Variants in KIF5C observed in about 807,000 individuals in gnomAD.
The protein encoded by KIF5C is kinesin heavy chain isoform 5C.
In KIF5C, 18 loss-of-function variants were observed where a neutral mutation model predicts 125.2. The ratio of observed to expected loss-of-function variants is 0.14; its 90% CI spans 0.10 to 0.21. The LOEUF is 0.21. Among genes scored for constraint, KIF5C ranks in the 10% least tolerant of loss-of-function variants. The pLI is 1.00. For synonymous variants in KIF5C, 405 were observed against 434.0 expected (o/e 0.93, Z 0.83); for missense variants, 780 against 1,183.8 (o/e 0.66, Z 5.01).
At chr2:148,905,545 T>C (rs1385082933) in intron 1 of KIF5C, among the ~76,000 whole-genome samples, 1 of 152,182 alleles carries the variant, frequency 6.6e-6, no homozygotes, top group Non-Finnish European at 1.5e-5. Context: ...GCTGGGAGTG[T>C]GTGCTACTTA....
chr2:148,963,692 C>T (rs1313902691), intron 11 of KIF5C, among the ~76,000 whole-genome samples: 1 of 152,246 alleles, frequency 6.6e-6, no homozygotes, highest in East Asian at 1.9e-4. Flanking sequence ...GGGAATCCTC[C>T]AGGTCAGTTC....
intron 25 of KIF5C, among the ~76,000 whole-genome samples, chr2:149,021,827 C>T (rs1226777562): frequency 6.6e-6 from 1 of 151,962 alleles, no homozygotes; most frequent in African/African-American, 2.4e-5. Context: ...GCTCTACCTC[C>T]CTCTTGTCAT....
chr2:148,986,634 C>T (rs1409687114), intron 15 of KIF5C, among the ~76,000 whole-genome samples: 2 of 152,138 alleles, frequency 1.3e-5, no homozygotes, highest in East Asian at 3.8e-4. Flanking sequence ...GGAAAATGAA[C>T]AGATCAAGGG....
At chr2:148,885,504 C>CT (rs1681492468) in intron 1 of KIF5C, 1 of 152,204 alleles carries the variant, frequency 6.6e-6, no homozygotes, top group Non-Finnish European at 1.5e-5. Context: ...GAGCAATCCT[C>CT]TTAAGTGTGT....
intron 3 of KIF5C, among the ~76,000 whole-genome samples, chr2:148,933,296 G>C (rs1039677505): frequency 6.6e-6 from 1 of 151,934 alleles, no homozygotes; most frequent in African/African-American, 2.4e-5. Context: ...TATAGCTCTC[G>C]GCTGTTATCC....
chr2:148,912,801 C>T (rs1574728704), intron 1 of KIF5C, among the ~76,000 whole-genome samples: 1 of 152,110 alleles, frequency 6.6e-6, no homozygotes, highest in East Asian at 1.9e-4. Context: ...GGGCAACCCA[C>T]CATTGCTACT....
At chr2:148,973,653 G>A (rs2105147277) in intron 12 of KIF5C, 142 bp downstream of exon 12, 1 of 1,228,164 alleles carries the variant, frequency 8.1e-7, no homozygotes, top group Non-Finnish European at 1.1e-6. Context: ...CTTTGATGGT[G>A]CAGATTCAGG....
intron 25 of KIF5C, among the ~76,000 whole-genome samples, chr2:149,016,131 G>A (rs921549438): frequency 6.6e-6 from 1 of 152,222 alleles, no homozygotes; most frequent in African/African-American, 2.4e-5. Context: ...AGGCTGATAA[G>A]GCAGTAGCTC....
At chr2:148,897,153 C>A (rs1161759714) in intron 1 of KIF5C, among the ~76,000 whole-genome samples, 3 of 152,140 alleles carry the variant, frequency 2.0e-5, no homozygotes, top group Non-Finnish European at 4.4e-5. Context: ...TTCATTTTAA[C>A]AAGAAATACA....
At chr2:149,021,032 T>C (rs1464893698) in intron 25 of KIF5C, among the ~76,000 whole-genome samples, 4 of 152,200 alleles carry the variant, frequency 2.6e-5, no homozygotes, top group African/African-American at 9.6e-5. Flanking sequence ...TCTGTGAATA[T>C]TTTTTCTTGT....
At chr2:149,007,014 G>T (rs76930828) in intron 22 of KIF5C, among the ~76,000 whole-genome samples, 4 of 152,190 alleles carry the variant, frequency 2.6e-5, no homozygotes, top group Non-Finnish European at 5.9e-5. Flanking sequence ...GTGTTTTTCT[G>T]CCGGTGGTTC....
chr2:148,983,563 G>A (rs1391247329), intron 14 of KIF5C, 57 bp from the exon 15 acceptor site: 10 of 1,478,516 alleles, frequency 6.8e-6, no homozygotes, highest in African/African-American at 5.6e-5. Flanking sequence ...TTGTAATGTG[G>A]AGTGTATGAA....
Position 149,000,656 on chromosome 2 carries a change from G to A in KIF5C, c.2313-66G>A, listed in dbSNP as rs549640523. On this transcript the variant is annotated intron_variant, in intron 20 of 25. Transcript: ENST00000435030. ...GGGTTTTGTTGATTTATCTGTGGAT[G>A]CAAATAGTATCTGCTGAAATCTCTG... The A allele has an allele frequency of 3.0e-5, 48 of 1,599,610 alleles. No individual in the cohort carries two copies. In the South Asian group the frequency reaches 5.3e-4, roughly 18 times the overall value.
At chr2:148,996,569 C>G (rs570063265) in intron 17 of KIF5C, among the ~76,000 whole-genome samples, 17 of 152,316 alleles carry the variant, frequency 1.1e-4, no homozygotes, top group Middle Eastern at 3.4e-3. Context: ...AAGCACTCTG[C>G]CCCCTGGCAC....
rs137994162 is a variant in KIF5C at position 149,008,980 on chromosome 2, T to G, written c.2550+913T>G. 4.1e-4 allele frequency among the ~76,000 whole-genome samples: 62 copies of G among 149,992 alleles called. No homozygotes were observed. The East Asian group carries it at 8.9e-3, about 22-fold the overall frequency. ...TAAAATTTATTTTTATTTATTTTTG[T>G]TTTTTTTAATGTTTTTTTTTTTTTT... On this transcript the variant is annotated intron_variant, in intron 23 of 25. Coordinates refer to ENST00000435030, the MANE Select transcript of KIF5C (RefSeq NM_004522.3).
intron 8 of KIF5C, chr2:148,947,827 T>G (rs908317228): frequency 1.8e-5 from 8 of 453,582 alleles, no homozygotes; most frequent in Admixed American, 9.4e-5. Flanking sequence ...CCATCATCAC[T>G]GACATCATGC....
chr2:148,949,056 A>C (rs1318982547), intron 8 of KIF5C, among the ~76,000 whole-genome samples: 1 of 152,160 alleles, frequency 6.6e-6, no homozygotes, highest in Admixed American at 6.5e-5. Context: ...CTTTCTTGAG[A>C]GAGCAGCTGC....
At chr2:148,916,824 G>A (rs1182719305) in intron 1 of KIF5C, among the ~76,000 whole-genome samples, 2 of 152,140 alleles carry the variant, frequency 1.3e-5, no homozygotes, top group African/African-American at 4.8e-5. Flanking sequence ...TGATTTTAAA[G>A]TGGAACTTCT....
intron 1 of KIF5C, among the ~76,000 whole-genome samples, chr2:148,882,218 C>T (rs1486576108): frequency 6.6e-6 from 1 of 152,228 alleles, no homozygotes; most frequent in Non-Finnish European, 1.5e-5. Context: ...TCTGCCACTT[C>T]TTATCTGTGA....
Sources: allele counts gnomAD v4.1 joint callset (sites outside exome capture counted in the v4.1 genomes callset), GRCh38; gene constraint gnomAD v4.1.1; transcripts MANE v1.5; gene names NCBI Gene and HGNC (gene_info 2026-07-23, HGNC 2026-07-21).